Variants in TASOR2 observed in about 807,000 individuals in gnomAD.
TASOR2 encodes protein TASOR 2.
TASOR2 carries 84 observed loss-of-function variants against 199.5 expected under a neutral mutation model. The observed-to-expected ratio is 0.42, with a 90% CI of 0.35 to 0.50. TASOR2 has a LOEUF of 0.50. Ranked by LOEUF, TASOR2 falls within the 20% of genes least tolerant of loss-of-function variation. The pLI, the probability that TASOR2 is intolerant of heterozygous loss-of-function variation, is 0.02. For missense variants in TASOR2, 2,796 were observed against 2,835.9 expected (o/e 0.99, Z 0.32); for synonymous variants, 1,103 against 1,046.6 (o/e 1.05, Z -1.04).
chr10:5,730,467 T>TA lies in TASOR2; in HGVS notation c.488-19dup. ...TAAAAAATAAACTTCAGATGTTTAA[T>TA]ACGTGTGTATATATTCTAGGGGTGA... On this transcript the variant is annotated intron_variant, in intron 10 of 20. Coordinates refer to ENST00000328090, the Ensembl canonical transcript of TASOR2. This position sits in a 1 kb window ranked among gnomAD's most constrained non-coding sequence, Gnocchi z 4.1. The TA allele has an allele frequency of 6.7e-7, 1 of 1,488,330 alleles. No homozygotes were observed. The highest frequency in any genetic ancestry group is 9.0e-7 in the Non-Finnish European group (1 of 1,108,944). The allele number at this position is 1,488,330 out of a possible 1,614,324, so 92.2% of individuals were successfully genotyped here.
intron 1 of TASOR2, among the ~76,000 whole-genome samples, chr10:5,688,069 C>T (rs1175234821): frequency 1.3e-5 from 2 of 152,102 alleles, no homozygotes; most frequent in Admixed American, 1.3e-4. Context: ...CTTTTGTATT[C>T]ATTGTGTTGC....
chr10:5,713,708 TA>T, intron 2 of TASOR2: 1 of 152,640 alleles, frequency 6.6e-6, no homozygotes, highest in South Asian at 2.1e-4. Flanking sequence ...TTCATGCTTC[TA>T]AAGCTGTAGT....
intron 6 of TASOR2, among the ~76,000 whole-genome samples, chr10:5,723,130 C>T (rs1833601322): frequency 7.7e-6 from 1 of 129,822 alleles, no homozygotes; most frequent in Non-Finnish European, 1.6e-5. Flanking sequence ...CAGCTCACTG[C>T]AAGCTCCACC....
At chr10:5,733,681 T>C (rs1017535227) in intron 11 of TASOR2, among the ~76,000 whole-genome samples, 1 of 152,244 alleles carries the variant, frequency 6.6e-6, no homozygotes, top group African/African-American at 2.4e-5. Flanking sequence ...CTTGGGAATA[T>C]CTTCCTTTTC....
chr10:5,763,341 A>C (rs1452441634), exon 21 of TASOR2: 1 of 285,432 alleles, frequency 3.5e-6, no homozygotes, highest in Non-Finnish European at 6.4e-6. Context: ...TGGAGCAAAA[A>C]TAAGTCTATT....
chr10:5,707,529 C>G (rs1266344141), intron 1 of TASOR2, among the ~76,000 whole-genome samples: 1 of 152,130 alleles, frequency 6.6e-6, no homozygotes, highest in Non-Finnish European at 1.5e-5. Flanking sequence ...AGAACTCTCT[C>G]TGTAGACTTC....
Position 5,737,217 on chromosome 10 carries a change from C to T in TASOR2, c.1447+1671C>T, listed in dbSNP as rs999232481. Reference sequence around the variant, plus strand: ...TCTTGACCTCATGCTCTGCCTGCCTCGGCCTCCCAAAGTGCTGGGATTACA... The same window carrying T: ...TCTTGACCTCATGCTCTGCCTGCCTTGGCCTCCCAAAGTGCTGGGATTACA... On this transcript the variant is annotated intron_variant, in intron 12 of 20. Transcript: ENST00000328090. The surrounding 1 kb of genome is among the most constrained non-coding windows in gnomAD (Gnocchi z 4.9). 6.6e-6 allele frequency among the ~76,000 whole-genome samples: 1 copy of T among 152,014 alleles called. No individual in the cohort carries two copies. Among genetic ancestry groups the T allele is most frequent in the African/African-American group, 2.4e-5 (1 of 41,372 alleles).
intron 1 of TASOR2, among the ~76,000 whole-genome samples, chr10:5,703,502 G>GTTT (rs1838162715): frequency 4.4e-5 from 3 of 68,452 alleles, no homozygotes; most frequent in African/African-American, 4.6e-5. Context: ...AGGTTTTTCT[G>GTTT]ATTTTTTTTT....
intron 1 of TASOR2, among the ~76,000 whole-genome samples, chr10:5,700,403 G>A (rs1053257485): frequency 1.3e-5 from 2 of 152,068 alleles, no homozygotes; most frequent in Non-Finnish European, 2.9e-5. Context: ...CGGGAGTGCA[G>A]ATGTCTTTTT....
chr10:5,763,533 A>G (rs1475356267), exon 21 of TASOR2: 1 of 152,338 alleles, frequency 6.6e-6, no homozygotes, highest in Non-Finnish European at 1.5e-5. Flanking sequence ...ATAAACTATC[A>G]TTTTTCACTT....
rs1466573425 is a variant in TASOR2 at position 5,689,427 on chromosome 10, C to CT, written c.-288+4253dup. Among the ~76,000 whole-genome samples the CT allele has an allele frequency of 6.6e-6, 1 of 152,144 alleles. No individual in the cohort carries two copies. Among genetic ancestry groups the CT allele is most frequent in the Admixed American group, 6.5e-5 (1 of 15,274 alleles). ...CCAGCCTGACCAATATGGTGAAACT[C>CT]TGTCTCTACTAAAAATACAAAAATT... On this transcript the variant is annotated intron_variant, in intron 1 of 20. Transcript: ENST00000328090. The surrounding 1 kb of genome is among the most constrained non-coding windows in gnomAD (Gnocchi z 4.1).
intron 8 of TASOR2, 34 bp downstream of exon 9, chr10:5,724,567 G>A (rs1432249585): frequency 5.6e-6 from 5 of 885,390 alleles, no homozygotes; most frequent in South Asian, 2.2e-5. Context: ...TAATTATTAT[G>A]TTTTTCTTTA....
At chr10:5,711,704 G>A (rs1428998416) in intron 1 of TASOR2, among the ~76,000 whole-genome samples, 2 of 152,106 alleles carry the variant, frequency 1.3e-5, no homozygotes, top group East Asian at 3.8e-4. Context: ...TGGGAAGGGT[G>A]TATCACAGTC....
In TASOR2 at chr10:5,749,668, CAAAG is replaced by C. The variant is rs1432686109; in HGVS notation, c.6251_6254del (p.Arg2084IlefsTer11). The C allele has an allele frequency of 6.2e-7, 1 of 1,614,040 alleles. No individual in the cohort carries two copies. Among genetic ancestry groups the C allele is most frequent in the African/African-American group, 1.3e-5 (1 of 74,936 alleles). On this transcript the variant is annotated frameshift_variant, in exon 15 of 21. Coordinates refer to ENST00000328090, the Ensembl canonical transcript of TASOR2. LOFTEE classifies it high-confidence loss of function. Reference sequence around the variant, plus strand: ...TCATAATAGAGATCTTAGAAATTCTCAAAGAAATCACACTGTTTCATTCCACCTC... The same window carrying C: ...TCATAATAGAGATCTTAGAAATTCTCAAATCACACTGTTTCATTCCACCTC...
chr10:5,741,992 A>G, intron 13 of TASOR2, 105 bp from the exon 15 acceptor site: 1 of 1,080,848 alleles, frequency 9.3e-7, no homozygotes, highest in Non-Finnish European at 1.3e-6. Flanking sequence ...TTTTAAAAAT[A>G]AAAACAAAAA....
chr10:5,749,816 A>G (rs762941112), exon 15 of TASOR2: 1 of 1,614,030 alleles, frequency 6.2e-7, no homozygotes, highest in East Asian at 2.2e-5. Context: ...ATTTTCCAAG[A>G]CAAAGAGCTA....
exon 21 of TASOR2, chr10:5,763,298 CTTA>C: frequency 2.8e-6 from 1 of 354,976 alleles, no homozygotes; most frequent in Non-Finnish European, 5.0e-6. Flanking sequence ...AGCTATTGAG[CTTA>C]TTAAAAATAA....
Position 5,747,847 on chromosome 10 carries a change from T to G in TASOR2, c.4426T>G (p.Ser1476Ala), listed in dbSNP as rs376728616. 5 of 1,613,734 alleles carry G rather than the reference T, an allele frequency of 3.1e-6. No homozygotes were observed. In the African/African-American group the frequency reaches 5.3e-5, roughly 17 times the overall value. Residue 1476 changes from serine (S) to alanine (A), a missense_variant, in exon 15 of 21, where the codon TCT becomes GCT. This residue lies in a region of TASOR2 where 1,941 missense variants were observed against 1,924.9 expected (regional missense o/e 1.01). Transcript: ENST00000328090. ...TACCCAGGTACAACAAATGCAGGTC[T>G]CTGCCGAAATGCCTCTAATATTAAC...
At chr10:5,743,687 G>C (rs972206948) in intron 14 of TASOR2, among the ~76,000 whole-genome samples, 3 of 152,252 alleles carry the variant, frequency 2.0e-5, no homozygotes, top group South Asian at 4.1e-4. Context: ...TAGTCAGGGA[G>C]ATTTAAATTA....
Sources: gnomAD v4.1 joint callset for allele counts (sites outside exome capture counted in the v4.1 genomes callset) on GRCh38, gnomAD v4.1.1 for gene constraint, gnomAD v4.1.1 regional missense constraint, Gnocchi (gnomAD v3.1) non-coding constraint, MANE v1.5 for transcripts, NCBI Gene and HGNC (gene_info 2026-07-23, HGNC 2026-07-21) for gene names.